The following BTAF1 variants were observed in gnomAD, a reference collection of about 807,000 sequenced individuals.
BTAF1 encodes the protein B-TFIID TATA-box binding protein associated factor 1, also known as TATA-binding protein-associated factor 172.
In BTAF1, 38 loss-of-function variants were observed where a neutral mutation model predicts 227.1. The ratio of observed to expected loss-of-function variants is 0.17; its 90% CI spans 0.13 to 0.22. BTAF1 has a LOEUF of 0.22. BTAF1 is among the 10% of genes least tolerant of loss of function. The pLI, the probability that BTAF1 is intolerant of heterozygous loss-of-function variation, is 1.00. For synonymous variants in BTAF1, 742 were observed against 751.9 expected, an observed-to-expected ratio of 0.99 and a Z score of 0.21; for missense variants, 1,598 against 2,204.0, an observed-to-expected ratio of 0.73 and a Z score of 5.51.
intron 5 of BTAF1, 128 bp from the exon 6 acceptor site, chr10:91,953,609 T>C: frequency 9.7e-7 from 1 of 1,029,666 alleles, no homozygotes; most frequent in Non-Finnish European, 1.4e-6. Flanking sequence ...AGTGTGAACC[T>C]GTCAAAAAAG....
At chr10:91,938,922 T>C (rs1482396203) in intron 2 of BTAF1, among the ~76,000 whole-genome samples, 1 of 150,784 alleles carries the variant, frequency 6.6e-6, no homozygotes, top group Admixed American at 6.6e-5. Flanking sequence ...CTTTGGTAAT[T>C]CTGAGTCCCT....
chr10:91,951,762 C>G (rs1032309160), intron 5 of BTAF1, among the ~76,000 whole-genome samples, 196 bp downstream of exon 5: 1 of 152,130 alleles, frequency 6.6e-6, no homozygotes, highest in African/African-American at 2.4e-5. Flanking sequence ...CAACCTACCT[C>G]CCAGACACTG....
intron 8 of BTAF1, among the ~76,000 whole-genome samples, chr10:91,958,193 T>G (rs1846230098): frequency 6.6e-6 from 1 of 151,960 alleles, no homozygotes. Flanking sequence ...GGACTACAGG[T>G]GCGTGCCACC....
chr10:91,977,482 C>T (rs1212196159), intron 14 of BTAF1, among the ~76,000 whole-genome samples: 1 of 152,104 alleles, frequency 6.6e-6, no homozygotes, highest in Admixed American at 6.6e-5. Context: ...TTTATCCATT[C>T]ACCTACCGAA....
chr10:91,996,653 A>C, intron 24 of BTAF1, 83 bp downstream of exon 24: 1 of 1,339,954 alleles, frequency 7.5e-7, no homozygotes. Context: ...ATGTGTTCTA[A>C]TATGCACATA....
intron 14 of BTAF1, among the ~76,000 whole-genome samples, chr10:91,970,900 C>A (rs1179006207): frequency 6.6e-6 from 1 of 152,188 alleles, no homozygotes; most frequent in East Asian, 1.9e-4. Flanking sequence ...TCCCTCACTT[C>A]TTTTTGATTC....
intron 34 of BTAF1, among the ~76,000 whole-genome samples, chr10:92,019,423 G>T (rs1850961986): frequency 6.6e-6 from 1 of 152,124 alleles, no homozygotes. Flanking sequence ...TGGACACTTG[G>T]GTTGTTTTCA....
chr10:91,997,779 C>T, intron 25 of BTAF1, 28 bp downstream of exon 25: 3 of 1,605,916 alleles, frequency 1.9e-6, no homozygotes, highest in Admixed American at 1.7e-5. Context: ...GCTTTAAAGA[C>T]ATAATGTTTT....
chr10:91,982,063 T>A lies in BTAF1; in HGVS notation c.1906-20T>A. 1 of 1,598,532 alleles carries A rather than the reference T, an allele frequency of 6.3e-7. No individual in the cohort carries two copies. The highest frequency in any genetic ancestry group is 1.1e-5 in the South Asian group (1 of 88,148). On this transcript the variant is annotated intron_variant, in intron 16 of 37. Coordinates refer to ENST00000265990, the MANE Select transcript of BTAF1 (RefSeq NM_003972.3). ...TTTAATGGTTAATCTTTATTGTTTTTTTTTCCCCTCCCTCTGTAGGAAAAA... is the reference window on the plus strand; with the variant it reads ...TTTAATGGTTAATCTTTATTGTTTTATTTTCCCCTCCCTCTGTAGGAAAAA...
At chr10:91,935,867 C>T (rs1844574722) in intron 2 of BTAF1, 87 bp downstream of exon 2, 17 of 1,163,356 alleles carry the variant, frequency 1.5e-5, no homozygotes, top group East Asian at 5.7e-5. Context: ...TAAACATCAT[C>T]TTAATTTTTA....
chr10:91,952,321 T>TTCTTCC (rs1449428536), intron 5 of BTAF1, among the ~76,000 whole-genome samples: 2 of 152,216 alleles, frequency 1.3e-5, no homozygotes, highest in Non-Finnish European at 2.9e-5. Flanking sequence ...TTTCACTCTT[T>TTCTTCC]TCTTCCTCTT....
rs545108019 is a variant in BTAF1 at position 91,924,068 on chromosome 10, C to G, written c.-9C>G. ...GTCGCGGGGAGCTCCGAACCGCCGG[C>G]GCCCGGCCATGGCGGTCTCCAGGTG... On this transcript the variant is annotated 5_prime_UTR_variant, in exon 1 of 38. Coordinates refer to ENST00000265990, the MANE Select transcript of BTAF1 (RefSeq NM_003972.3). The G allele has an allele frequency of 1.2e-6, 2 of 1,608,246 alleles. No individual in the cohort carries two copies. Among genetic ancestry groups the G allele is most frequent in the African/African-American group, 2.7e-5 (2 of 74,490 alleles).
At chr10:91,940,697 T>G (rs903157680) in intron 3 of BTAF1, among the ~76,000 whole-genome samples, 6 of 152,202 alleles carry the variant, frequency 3.9e-5, no homozygotes, top group Admixed American at 2.0e-4. Flanking sequence ...TTTATTTTAT[T>G]TTTTCGAGAC....
intron 5 of BTAF1, 70 bp from the exon 6 acceptor site, chr10:91,953,667 C>G: frequency 6.6e-7 from 1 of 1,525,508 alleles, no homozygotes; most frequent in Non-Finnish European, 8.9e-7. Flanking sequence ...TGGTCTTCTT[C>G]TGAGGCTGAG....
chr10:92,019,892 T>G (rs1851001680), intron 34 of BTAF1, among the ~76,000 whole-genome samples: 1 of 900 alleles, frequency 1.1e-3, no homozygotes. Flanking sequence ...GTTGTTGCTG[T>G]TTTTTTTTTT....
At chr10:91,968,135 C>T (rs1319632054) in intron 14 of BTAF1, among the ~76,000 whole-genome samples, 1 of 152,046 alleles carries the variant, frequency 6.6e-6, no homozygotes, top group Non-Finnish European at 1.5e-5. Flanking sequence ...ATAATATGTA[C>T]CCACCATTAC....
chr10:91,958,993 C>T, intron 8 of BTAF1, 72 bp from the exon 9 acceptor site: 14 of 1,350,954 alleles, frequency 1.0e-5, no homozygotes, highest in South Asian at 2.5e-5. Context: ...ATCCCTATTT[C>T]GTATAGAAGA....
chr10:91,953,629 G>A (rs1252021440), intron 5 of BTAF1, 108 bp from the exon 6 acceptor site: 13 of 1,188,484 alleles, frequency 1.1e-5, no homozygotes, highest in South Asian at 6.6e-5. Context: ...GAATGTGATC[G>A]ATGTATATAT....
chr10:91,954,007 G>T, intron 6 of BTAF1, 134 bp downstream of exon 6: 2 of 1,252,832 alleles, frequency 1.6e-6, no homozygotes, highest in Non-Finnish European at 2.2e-6. Context: ...TTACTCAATT[G>T]TCAGAGAGTA....
Sources: allele counts gnomAD v4.1 joint callset (sites outside exome capture counted in the v4.1 genomes callset), GRCh38; gene constraint gnomAD v4.1.1; transcripts MANE v1.5; gene names NCBI Gene and HGNC (gene_info 2026-07-23, HGNC 2026-07-21).